PANK3: variants seen among roughly 807,000 people sequenced by gnomAD.
PANK3 encodes the protein pantothenate kinase 3.
Under a neutral mutation model 39.4 loss-of-function variants are expected in PANK3, and 20 were observed. That is an observed-to-expected ratio of 0.51 (90% CI 0.36 to 0.74). PANK3 has a LOEUF of 0.74. PANK3 is among the 30% of genes least tolerant of loss of function. The pLI is 0.00. For missense variants in PANK3, 265 were observed against 437.0 expected (o/e 0.61, Z 3.51); for synonymous variants, 140 against 157.3 (o/e 0.89, Z 0.82).
chr5:168,577,312 A>G (rs1196070252), intron 1 of PANK3, among the ~76,000 whole-genome samples: 1 of 152,236 alleles, frequency 6.6e-6, no homozygotes, highest in Non-Finnish European at 1.5e-5. Flanking sequence ...TTAGGCTTCT[A>G]CACCATAGTA....
Position 168,557,606 on chromosome 5 carries a change from C to A in PANK3, c.1078G>T (p.Val360Phe). The part of the protein sequence containing the change: ...FLEHEGYFGA[V>F]GALLGLPNFS ...TTTGGCAGCCCAAGAAGTGCACCAA[C>A]TGCTCCAAAGTAACCCTGTGTAATT... is the stretch of plus-strand genomic sequence containing the variant. Residue 360 changes from valine to phenylalanine, a missense_variant, in exon 7 of 7, where the codon GTT becomes TTT. Val to Phe is a conservative substitution (Grantham distance 50). Around this residue, in one of 3 missense-constraint regions of PANK3, gnomAD observed 110 missense variants for 161.2 expected, o/e 0.68. Coordinates refer to ENST00000239231, the MANE Select transcript of PANK3 (RefSeq NM_024594.4). 6.2e-7 allele frequency: 1 copy of A among 1,613,934 alleles called. No homozygotes were observed. Among genetic ancestry groups the A allele is most frequent in the East Asian group, 2.2e-5 (1 of 44,848 alleles).
chr5:168,578,023 A>C (rs1200173893), intron 1 of PANK3, among the ~76,000 whole-genome samples: 1 of 152,220 alleles, frequency 6.6e-6, no homozygotes, highest in Non-Finnish European at 1.5e-5. Context: ...TTCAGTTATA[A>C]ATAATTTTTT....
At chr5:168,579,010 C>T (rs566839571) in intron 1 of PANK3, among the ~76,000 whole-genome samples, 1 of 152,338 alleles carries the variant, frequency 6.6e-6, no homozygotes, top group East Asian at 1.9e-4. Context: ...CCCTCTGGCA[C>T]CTCCCAGATC....
In PANK3 at chr5:168,549,080, T is replaced by C. The variant is rs1759235905; in HGVS notation, c.*8491A>G. The C allele has an allele frequency of 6.6e-6, 1 of 152,208 alleles. No individual in the cohort carries two copies. The highest frequency in any genetic ancestry group is 2.4e-5 in the African/African-American group (1 of 41,450). 9.4% of individuals were successfully genotyped at this position (152,208 alleles called of 1,614,324 possible). A position where few individuals can be genotyped will look rare whatever the true frequency, so the allele number is the denominator to read the frequency against. ...AAGATAAACGCCATTCAATTTTAGTTAAAAAATCAGTTTTTTGCTGTAGTT... is the reference window on the plus strand; with the variant it reads ...AAGATAAACGCCATTCAATTTTAGTCAAAAAATCAGTTTTTTGCTGTAGTT... On this transcript the variant is annotated 3_prime_UTR_variant, in exon 7 of 7. Coordinates refer to ENST00000239231, the MANE Select transcript of PANK3 (RefSeq NM_024594.4).
rs1280710679 is a variant in PANK3 at position 168,554,648 on chromosome 5, T to C, written c.*2923A>G. ...TCAGTCAGTAGCCATTTTAAAACCCTACAATGACTTCATGTTCCTTGCTTT... is the reference window on the plus strand; with the variant it reads ...TCAGTCAGTAGCCATTTTAAAACCCCACAATGACTTCATGTTCCTTGCTTT... On this transcript the variant is annotated 3_prime_UTR_variant, in exon 7 of 7. Coordinates refer to ENST00000239231, the MANE Select transcript of PANK3 (RefSeq NM_024594.4). 3 of 152,238 alleles carry C rather than the reference T, an allele frequency of 2.0e-5. No homozygotes were observed. Among genetic ancestry groups the C allele is most frequent in the African/African-American group, 7.2e-5 (3 of 41,474 alleles). The allele number at this position is 152,238 out of a possible 1,614,324, so 9.4% of individuals were successfully genotyped here. A position where few individuals can be genotyped will look rare whatever the true frequency, so the allele number is the denominator to read the frequency against.
rs1399042642 is a variant in PANK3, at chr5:168,554,131, A to G, written c.*3440T>C. 3 of 152,260 alleles carry G rather than the reference A, an allele frequency of 2.0e-5. No individual in the cohort carries two copies. The East Asian group carries it at 5.8e-4, about 29-fold the overall frequency. 9.4% of individuals were successfully genotyped at this position (152,260 alleles called of 1,614,324 possible). ...ATTTATTCTCTCTTTTGTATTTTTGATAGTGATTACAAAGTTTTTCAGATT... is the reference window on the plus strand; with the variant it reads ...ATTTATTCTCTCTTTTGTATTTTTGGTAGTGATTACAAAGTTTTTCAGATT... On this transcript the variant is annotated 3_prime_UTR_variant, in exon 7 of 7. Transcript: ENST00000239231.
At chr5:168,579,216 G>A in intron 1 of PANK3, 40 bp downstream of exon 1, 1 of 1,481,574 alleles carries the variant, frequency 6.7e-7, no homozygotes, top group Non-Finnish European at 9.0e-7. Flanking sequence ...GGGGCCCAAG[G>A]GTGCCCTCCC....
At chr5:168,565,954 T>G in intron 3 of PANK3, 59 bp downstream of exon 3, 2 of 1,501,294 alleles carry the variant, frequency 1.3e-6, no homozygotes, top group Non-Finnish European at 1.8e-6. Context: ...TATACTGATT[T>G]CATAACTTCT....
At position 168,556,260 on chromosome 5, in the gene PANK3, A is replaced by G. The variant is rs913493088; in HGVS notation, c.*1311T>C. 1 of 152,216 alleles carries G rather than the reference A, an allele frequency of 6.6e-6. No individual in the cohort carries two copies. The highest frequency in any genetic ancestry group is 1.5e-5 in the Non-Finnish European group (1 of 68,068). 9.4% of individuals were successfully genotyped at this position (152,216 alleles called of 1,614,324 possible). ...CATTCTTTTAAGGGGATAAGAAGCA[A>G]ATGGAAGACTTGCTCCAACTCTAGA... On this transcript the variant is annotated 3_prime_UTR_variant, in exon 7 of 7. Coordinates refer to ENST00000239231, the MANE Select transcript of PANK3 (RefSeq NM_024594.4).
Position 168,554,492 on chromosome 5 carries a change from T to G in PANK3, c.*3079A>C, listed in dbSNP as rs1759319622. The G allele has an allele frequency of 6.6e-6, 1 of 152,232 alleles. No individual in the cohort carries two copies. 9.4% of individuals were successfully genotyped at this position (152,232 alleles called of 1,614,324 possible). ...CAGGCATGAGCCACTGCACCCAGCC[T>G]CAATTGTTTAAAATTCAGTTTTCTT... On this transcript the variant is annotated 3_prime_UTR_variant, in exon 7 of 7. Transcript: ENST00000239231.
chr5:168,564,135 G>T, intron 3 of PANK3, 70 bp from the exon 4 acceptor site: 2 of 1,278,086 alleles, frequency 1.6e-6, no homozygotes, highest in Non-Finnish European at 1.1e-6. Flanking sequence ...TAAAAGGGTG[G>T]ATCATTCATG....
intron 5 of PANK3, among the ~76,000 whole-genome samples, chr5:168,561,143 G>C (rs1759441061): frequency 6.6e-6 from 1 of 152,068 alleles, no homozygotes. Context: ...AAGGGATTTA[G>C]GTTGTGTTTT....
chr5:168,565,793 C>G (rs1284251119), intron 3 of PANK3, among the ~76,000 whole-genome samples: 2 of 148,524 alleles, frequency 1.3e-5, no homozygotes, highest in African/African-American at 5.0e-5. Flanking sequence ...GAGGCCGAGA[C>G]AGGCAGATTG....
rs1445865702 is a variant in PANK3, at chr5:168,549,121, A to G, written c.*8450T>C. The stretch of plus-strand genomic sequence containing the variant: ...TGCTGTAGTTTAAATAAAAAGTAAA[A>G]GCACACAGTGTATAAAAAATAATAA... On this transcript the variant is annotated 3_prime_UTR_variant, in exon 7 of 7. Coordinates refer to ENST00000239231, the MANE Select transcript of PANK3 (RefSeq NM_024594.4). 1 of 152,224 alleles carries G rather than the reference A, an allele frequency of 6.6e-6. No homozygotes were observed. Among genetic ancestry groups the G allele is most frequent in the Admixed American group, 6.5e-5 (1 of 15,286 alleles). 9.4% of individuals were successfully genotyped at this position (152,224 alleles called of 1,614,324 possible).
chr5:168,551,205 T>C lies in PANK3; in HGVS notation c.*6366A>G, dbSNP rs1487192062. 6.6e-6 allele frequency: 1 copy of C among 152,204 alleles called. No individual in the cohort carries two copies. Among genetic ancestry groups the C allele is most frequent in the African/African-American group, 2.4e-5 (1 of 41,456 alleles). The allele number at this position is 152,204 out of a possible 1,614,324, so 9.4% of individuals were successfully genotyped here. A position where few individuals can be genotyped will look rare whatever the true frequency, so the allele number is the denominator to read the frequency against. On this transcript the variant is annotated 3_prime_UTR_variant, in exon 7 of 7. Transcript: ENST00000239231. ...GTAATATAGATAAAACACACTATTT[T>C]CTGAGATTATCTGATGATAGAAACA...
At chr5:168,570,153 C>T (rs984111529) in intron 1 of PANK3, among the ~76,000 whole-genome samples, 57 of 152,198 alleles carry the variant, frequency 3.7e-4, no homozygotes, top group African/African-American at 1.3e-3. Flanking sequence ...GAGGCCGAGA[C>T]GGGTGGATCA....
chr5:168,576,800 C>T (rs1476621868), intron 1 of PANK3, among the ~76,000 whole-genome samples: 4 of 151,320 alleles, frequency 2.6e-5, no homozygotes, highest in Admixed American at 6.6e-5. Flanking sequence ...CAAAAAAAAC[C>T]CCATACAGGT....
In PANK3 at chr5:168,553,027, C is replaced by T. The variant is rs1395377780; in HGVS notation, c.*4544G>A. 3.1e-6 allele frequency: 1 copy of T among 322,150 alleles called. No individual in the cohort carries two copies. The highest frequency in any genetic ancestry group is 2.2e-5 in the African/African-American group (1 of 46,210). 20.0% of individuals were successfully genotyped at this position (322,150 alleles called of 1,614,324 possible). ...ATCTCCTAGATGTCCTGGGACACAT[C>T]CTGAGTCCCCTACAATTGCTGAAGG... is the stretch of plus-strand genomic sequence containing the variant. On this transcript the variant is annotated 3_prime_UTR_variant, in exon 7 of 7. Transcript: ENST00000239231.
rs1280201543 is a variant in PANK3 at position 168,551,264 on chromosome 5, CAT to C, written c.*6305_*6306del. 6.6e-6 allele frequency: 1 copy of C among 152,142 alleles called. No homozygotes were observed. The highest frequency in any genetic ancestry group is 1.5e-5 in the Non-Finnish European group (1 of 67,998). The allele number at this position is 152,142 out of a possible 1,614,324, so 9.4% of individuals were successfully genotyped here. On this transcript the variant is annotated 3_prime_UTR_variant, in exon 7 of 7. Coordinates refer to ENST00000239231, the MANE Select transcript of PANK3 (RefSeq NM_024594.4). ...TGAATTCCTTAGGTATTAGAATAAA[CAT>C]AAACTTGATCATGGATACCTCATGG...
Sources: allele counts gnomAD v4.1 joint callset (sites outside exome capture counted in the v4.1 genomes callset), GRCh38; gene constraint gnomAD v4.1.1; regional missense constraint gnomAD v4.1.1; transcripts MANE v1.5; gene names NCBI Gene and HGNC (gene_info 2026-07-23, HGNC 2026-07-21).